The following CDC42BPB variants were observed in gnomAD, a reference collection of about 807,000 sequenced individuals.
CDC42BPB encodes the protein CDC42 binding protein kinase beta.
In CDC42BPB, 37 loss-of-function variants were observed where a neutral mutation model predicts 214.9. The observed-to-expected ratio is 0.17, with a 90% CI of 0.13 to 0.23. The LOEUF is 0.23. Among genes scored for constraint, CDC42BPB ranks in the 10% least tolerant of loss-of-function variants. CDC42BPB has a pLI of 1.00. For missense variants in CDC42BPB, 1,694 were observed against 2,227.0 expected (o/e 0.76, Z 4.82); for synonymous variants, 931 against 884.0 (o/e 1.05, Z -0.94).
rs537534896 is a variant in CDC42BPB, at chr14:102,946,227, G to A, written c.3748+241C>T. 2.0e-4 allele frequency among the ~76,000 whole-genome samples: 31 copies of A among 152,062 alleles called. No homozygotes were observed. In the South Asian group the frequency reaches 5.0e-3, roughly 24 times the overall value. On this transcript the variant is annotated intron_variant, in intron 28 of 36. Transcript: ENST00000361246. ...TTTAGCAGAGACAGGGTTTCACCGTGTTAGCCAGGATGGTCTCAACCTCCT... is the reference window on the plus strand; with the variant it reads ...TTTAGCAGAGACAGGGTTTCACCGTATTAGCCAGGATGGTCTCAACCTCCT...
intron 1 of CDC42BPB, among the ~76,000 whole-genome samples, chr14:103,015,285 T>C (rs1371769854): frequency 6.6e-6 from 1 of 152,060 alleles, no homozygotes; most frequent in African/African-American, 2.4e-5. Context: ...TACCAAATAT[T>C]TTCAAACTGC....
intron 1 of CDC42BPB, among the ~76,000 whole-genome samples, chr14:103,018,432 G>T (rs1886586198): frequency 6.6e-6 from 1 of 152,146 alleles, no homozygotes; most frequent in Non-Finnish European, 1.5e-5. Context: ...AAGGAGGGAG[G>T]GCCCACTGGA....
chr14:103,010,526 C>A (rs564888462), intron 2 of CDC42BPB, among the ~76,000 whole-genome samples: 1 of 152,350 alleles, frequency 6.6e-6, no homozygotes, highest in African/African-American at 2.4e-5. Context: ...CGTCTGCACA[C>A]TGGAAAATGC....
rs745374413 is a variant in CDC42BPB at position 102,939,935 on chromosome 14, T to C, written c.4604A>G (p.Asn1535Ser). The stretch of plus-strand genomic sequence containing the variant: ...GCTGTTGTCGGAGGTGTCCGGCACG[T>C]TGAGAACCGCTCCTGCAGAAGCAGA... ...FKSKFSGAVLNVPDTSDNSKK... is the reference protein window; with the variant it reads ...FKSKFSGAVLSVPDTSDNSKK... Residue 1535 changes from asparagine (N) to serine (S), a missense_variant, in exon 33 of 37, where the codon AAC becomes AGC. Around this residue, in one of 7 missense-constraint regions of CDC42BPB, gnomAD observed 567 missense variants for 790.3 expected, o/e 0.72. Transcript: ENST00000361246. 1.2e-6 allele frequency: 2 copies of C among 1,613,884 alleles called. No individual in the cohort carries two copies. Among genetic ancestry groups the C allele is most frequent in the Non-Finnish European group, 1.7e-6 (2 of 1,180,036 alleles).
chr14:102,941,406 C>CA, intron 30 of CDC42BPB: 4 of 985,390 alleles, frequency 4.1e-6, no homozygotes, highest in Non-Finnish European at 4.8e-6. Context: ...CTTCTGAATA[C>CA]AAAAAGGGAA....
At position 103,001,098 on chromosome 14, in the gene CDC42BPB, C is replaced by G. The variant is rs1277764660; in HGVS notation, c.448-1385G>C. Among the ~76,000 whole-genome samples, 1 of 152,218 alleles carries G rather than the reference C, an allele frequency of 6.6e-6. No individual in the cohort carries two copies. The highest frequency in any genetic ancestry group is 1.5e-5 in the Non-Finnish European group (1 of 68,030). On this transcript the variant is annotated intron_variant, in intron 4 of 36. Transcript: ENST00000361246. The surrounding 1 kb of genome is among the most constrained non-coding windows in gnomAD (Gnocchi z 5.8). ...AATCTTTACCAGCAAACTCTCATCC[C>G]TTCCAAGCCTCTCCACAGCTGTCCC...
chr14:102,936,310 G>A (rs988106988), intron 36 of CDC42BPB, among the ~76,000 whole-genome samples: 59 of 152,200 alleles, frequency 3.9e-4, no homozygotes, highest in Non-Finnish European at 5.0e-4. Flanking sequence ...GTTCACAGCA[G>A]CACCACTCAC....
chr14:102,949,079 C>T (rs1005593689), intron 26 of CDC42BPB, among the ~76,000 whole-genome samples: 1 of 152,184 alleles, frequency 6.6e-6, no homozygotes, highest in Admixed American at 6.5e-5. Context: ...AGACGGTGCA[C>T]GGGCACAGCA....
chr14:102,960,995 A>AAAATAAAT lies in CDC42BPB; in HGVS notation c.2822-1293_2822-1286dup, dbSNP rs530956316. ...GAAATACGGCACAACCCCATCTCTA[A>AAAATAAAT]AAATAAATAAATAAATAAATAAATA... On this transcript the variant is annotated intron_variant, in intron 20 of 36. Transcript: ENST00000361246. Among the ~76,000 whole-genome samples the AAAATAAAT allele has an allele frequency of 5.9e-5, 9 of 151,908 alleles. No homozygotes were observed. In the South Asian group the frequency reaches 8.3e-4, roughly 14 times the overall value.
intron 24 of CDC42BPB, 90 bp from the exon 25 acceptor site, chr14:102,950,692 T>G: frequency 7.2e-7 from 1 of 1,390,388 alleles, no homozygotes; most frequent in Non-Finnish European, 9.4e-7. Flanking sequence ...AATTTAATAA[T>G]CACCAGGTCT....
rs748539078 is a variant in CDC42BPB, at chr14:103,008,472, C to G, written c.351G>C (p.Glu117Asp). The G allele has an allele frequency of 8.2e-6, 13 of 1,593,366 alleles. No homozygotes were observed. The highest frequency in any genetic ancestry group is 1.1e-5 in the Non-Finnish European group (13 of 1,161,034). ...LNKWEMLKRAETACFREERDV... is the reference protein window; with the variant it reads ...LNKWEMLKRADTACFREERDV... ...ATGGCTTTTCAAGCTCCATACTTAC[C>G]TCTGCTCTTTTCAGCATCTCCCACT... Residue 117 changes from glutamate to aspartate, a missense_variant and splice_region_variant, in exon 3 of 37, where the codon GAG (glutamate) becomes GAC (aspartate). This residue lies in a region of CDC42BPB where 225 missense variants were observed against 459.3 expected (regional missense o/e 0.49). Transcript: ENST00000361246.
rs760081349 is a variant in CDC42BPB, at chr14:102,999,733, G to A, written c.448-20C>T. 1.9e-5 allele frequency: 30 copies of A among 1,613,890 alleles called. No homozygotes were observed. Among genetic ancestry groups the A allele is most frequent in the African/African-American group, 2.7e-5 (2 of 74,918 alleles). ...TAAGTACTACAAATTGGAAAGAGAAGGGGAGAGAATACCACATTTAGTCAC... is the reference window on the plus strand; with the variant it reads ...TAAGTACTACAAATTGGAAAGAGAAAGGGAGAGAATACCACATTTAGTCAC... On this transcript the variant is annotated intron_variant, in intron 4 of 36. Transcript: ENST00000361246.
chr14:102,933,427 G>A lies in CDC42BPB; in HGVS notation c.*285C>T. ...AAGTGGTGTTGGCAGGGCCCCATAT[G>A]CCCTCTCGGGTTGTCAGGGGTGGGA... On this transcript the variant is annotated 3_prime_UTR_variant, in exon 37 of 37. Coordinates refer to ENST00000361246, the MANE Select transcript of CDC42BPB (RefSeq NM_006035.4). The A allele has an allele frequency of 3.1e-6, 1 of 318,746 alleles. No homozygotes were observed. The highest frequency in any genetic ancestry group is 4.9e-5 in the East Asian group (1 of 20,334). The allele number at this position is 318,746 out of a possible 1,614,324, so 19.7% of individuals were successfully genotyped here. A position where few individuals can be genotyped will look rare whatever the true frequency, so the allele number is the denominator to read the frequency against.
chr14:102,967,299 A>G, intron 16 of CDC42BPB, 129 bp from the exon 17 acceptor site: 1 of 1,419,924 alleles, frequency 7.0e-7, no homozygotes, highest in Non-Finnish European at 9.2e-7. Flanking sequence ...TTTCCAAACT[A>G]AGTTCATGAT....
In CDC42BPB at chr14:103,001,219, G is replaced by A. The variant is rs902239994; in HGVS notation, c.448-1506C>T. On this transcript the variant is annotated intron_variant, in intron 4 of 36. Transcript: ENST00000361246. The surrounding 1 kb of genome is among the most constrained non-coding windows in gnomAD (Gnocchi z 5.8). ...GGCACTGCCCGTCCTTCCCCGCCGA[G>A]TTTTTCAATTTGTTCATTCGCTCGT... 1.3e-5 allele frequency among the ~76,000 whole-genome samples: 2 copies of A among 152,276 alleles called. No homozygotes were observed. The highest frequency in any genetic ancestry group is 2.1e-4 in the South Asian group (1 of 4,826).
In CDC42BPB at chr14:103,004,496, C is replaced by T. The variant is rs2139611494; in HGVS notation, c.352-473G>A. On this transcript the variant is annotated intron_variant, in intron 3 of 36. Coordinates refer to ENST00000361246, the MANE Select transcript of CDC42BPB (RefSeq NM_006035.4). This position sits in a 1 kb window ranked among gnomAD's most constrained non-coding sequence, Gnocchi z 5.3. ...CTGAAATCACAGTATAGTGATGACA[C>T]AATTGTCACAGATTCCACTAGGGAG... Among the ~76,000 whole-genome samples, 1 of 152,340 alleles carries T rather than the reference C, an allele frequency of 6.6e-6. No homozygotes were observed. Among genetic ancestry groups the T allele is most frequent in the South Asian group, 2.1e-4 (1 of 4,830 alleles).
intron 9 of CDC42BPB, among the ~76,000 whole-genome samples, chr14:102,977,325 C>T (rs575207394): frequency 2.5e-5 from 3 of 120,768 alleles, no homozygotes; most frequent in South Asian, 5.5e-4. Context: ...GGCGACAGAG[C>T]GAGACTCCGT....
intron 1 of CDC42BPB, among the ~76,000 whole-genome samples, chr14:103,013,478 C>T (rs755498940): frequency 8.5e-5 from 13 of 152,138 alleles, no homozygotes; most frequent in Non-Finnish European, 1.9e-4. Flanking sequence ...GGATAGTGTC[C>T]CCAGCAAAAC....
chr14:102,949,681 A>C, intron 26 of CDC42BPB, 84 bp downstream of exon 26: 4 of 1,544,412 alleles, frequency 2.6e-6, no homozygotes, highest in Non-Finnish European at 3.6e-6. Flanking sequence ...GAGGTGAAAG[A>C]CTACTAAGGA....
Sources: gnomAD v4.1 joint callset for allele counts (sites outside exome capture counted in the v4.1 genomes callset) on GRCh38, gnomAD v4.1.1 for gene constraint, gnomAD v4.1.1 regional missense constraint, Gnocchi (gnomAD v3.1) non-coding constraint, MANE v1.5 for transcripts, NCBI Gene and HGNC (gene_info 2026-07-23, HGNC 2026-07-21) for gene names.